The following ATXN2 variants were observed in gnomAD, a reference collection of about 807,000 sequenced individuals.
The protein encoded by ATXN2 is ataxin-2.
A neutral mutation model predicts 138.6 loss-of-function variants in ATXN2; 37 were observed. The observed-to-expected ratio is 0.27, with a 90% CI of 0.21 to 0.35. ATXN2 has a LOEUF of 0.35. Ranked by LOEUF, ATXN2 falls within the 10% of genes least tolerant of loss-of-function variation. The pLI, the probability that ATXN2 is intolerant of heterozygous loss-of-function variation, is 1.00. For synonymous variants in ATXN2, 549 were observed against 543.7 expected, an observed-to-expected ratio of 1.01 and a Z score of -0.13; for missense variants, 1,216 against 1,480.3, an observed-to-expected ratio of 0.82 and a Z score of 2.93.
At position 111,585,733 on chromosome 12, in the gene ATXN2, C is replaced by T. The variant is rs368630987; in HGVS notation, c.251+13051G>A. 1.2e-4 allele frequency among the ~76,000 whole-genome samples: 15 copies of T among 129,220 alleles called. No homozygotes were observed. The East Asian group carries it at 3.6e-3, about 31-fold the overall frequency. 84.8% of individuals were successfully genotyped at this position (129,220 alleles called of 152,430 possible). On this transcript the variant is annotated intron_variant, in intron 1 of 24. Transcript: ENST00000673436. ...AGGAGAACTGCTTGAACCTGGGAGG[C>T]GGAACTACAGTGAGCAGAGATGGCG... is the stretch of plus-strand genomic sequence containing the variant.
rs921495697 is a variant in ATXN2 at position 111,564,185 on chromosome 12, C to T, written c.252-8266G>A. On this transcript the variant is annotated intron_variant, in intron 1 of 24. Transcript: ENST00000673436. The stretch of plus-strand genomic sequence containing the variant: ...TCACACTTGGTCAGGAACTCTTGGA[C>T]AAATGAAAACCTAACAACCAAGCTT... Among the ~76,000 whole-genome samples the T allele has an allele frequency of 2.0e-5, 3 of 152,106 alleles. No individual in the cohort carries two copies. The South Asian group carries it at 6.2e-4, about 31-fold the overall frequency.
chr12:111,561,495 C>T (rs1363554042), intron 1 of ATXN2, among the ~76,000 whole-genome samples: 3 of 151,964 alleles, frequency 2.0e-5, no homozygotes, highest in Non-Finnish European at 2.9e-5. Context: ...AGCAAACCTC[C>T]GTCTCAAAGA....
rs201459505 is a variant in ATXN2, at chr12:111,462,967, T to TACACACACACAC, written c.2896+1694_2896+1695insGTGTGTGTGTGT. ...TAAATTATATATACACACATACATA[T>TACACACACACAC]ATATATATATACACACACACACACA... On this transcript the variant is annotated intron_variant, in intron 21 of 24. Coordinates refer to ENST00000673436, the MANE Select transcript of ATXN2 (RefSeq NM_001372574.1). Among the ~76,000 whole-genome samples the TACACACACACAC allele has an allele frequency of 2.5e-3, 339 of 134,656 alleles. 1 individual carries two copies. The highest frequency in any genetic ancestry group is 8.9e-3 in the African/African-American group (308 of 34,426). The allele number at this position is 134,656 out of a possible 152,430, so 88.3% of individuals were successfully genotyped here. A position where few individuals can be genotyped will look rare whatever the true frequency, so the allele number is the denominator to read the frequency against.
intron 1 of ATXN2, among the ~76,000 whole-genome samples, chr12:111,593,521 C>A (rs1884784279): frequency 6.6e-6 from 1 of 150,792 alleles, no homozygotes; most frequent in Non-Finnish European, 1.5e-5. Flanking sequence ...TTACATTTAA[C>A]CAAAAAAAGG....
At chr12:111,597,815 T>G (rs1885012902) in intron 1 of ATXN2, 1 of 1,253,872 alleles carries the variant, frequency 8.0e-7, no homozygotes, top group Non-Finnish European at 1.0e-6. Flanking sequence ...TTTCCGAAAT[T>G]GGGGCGGGGG....
chr12:111,599,624 C>G, upstream of ATXN2: 1 of 1,078,152 alleles, frequency 9.3e-7, no homozygotes, highest in Non-Finnish European at 1.1e-6. Context: ...GGCCCCGGGG[C>G]CGGGAGGGAC....
intron 15 of ATXN2, 41 bp from the exon 16 acceptor site, chr12:111,486,865 T>C (rs918086736): frequency 3.3e-6 from 5 of 1,529,226 alleles, no homozygotes; most frequent in Non-Finnish European, 4.5e-6. Context: ...ACATGGACTT[T>C]ACGTTGCTCT....
intron 14 of ATXN2, among the ~76,000 whole-genome samples, chr12:111,502,081 CAG>C (rs1878811017): frequency 2.6e-5 from 4 of 152,020 alleles, no homozygotes; most frequent in African/African-American, 9.7e-5. Context: ...TTTGTAGAAA[CAG>C]GGTTTTACCA....
rs1885069332 is a variant in ATXN2 at position 111,598,712 on chromosome 12, G to A, written c.251+72C>T. On this transcript the variant is annotated intron_variant, in intron 1 of 24. Coordinates refer to ENST00000673436, the MANE Select transcript of ATXN2 (RefSeq NM_001372574.1). The surrounding 1 kb of genome is among the most constrained non-coding windows in gnomAD (Gnocchi z 4.5). ...GGTAGCCCGGCGGGTCACGGGGCGG[G>A]GACGGCGGCGCGGGCCGCGGGGGAG... The A allele has an allele frequency of 7.2e-6, 7 of 976,050 alleles. No homozygotes were observed. Among genetic ancestry groups the A allele is most frequent in the Non-Finnish European group, 8.8e-6 (7 of 792,050 alleles). The allele number at this position is 976,050 out of a possible 1,614,324, so 60.5% of individuals were successfully genotyped here.
At chr12:111,582,831 G>A (rs898350933) in intron 1 of ATXN2, among the ~76,000 whole-genome samples, 3 of 151,870 alleles carry the variant, frequency 2.0e-5, no homozygotes, top group Non-Finnish European at 4.4e-5. Context: ...ACCACGCCTG[G>A]CTAATTTTTT....
intron 14 of ATXN2, among the ~76,000 whole-genome samples, chr12:111,498,106 T>C (rs193110512): frequency 7.2e-5 from 11 of 152,168 alleles, no homozygotes; most frequent in African/African-American, 2.4e-4. Context: ...GACCCATAAC[T>C]AGTACCATAC....
intron 1 of ATXN2, among the ~76,000 whole-genome samples, chr12:111,597,243 T>A (rs1884982307): frequency 6.6e-6 from 1 of 152,204 alleles, no homozygotes; most frequent in Admixed American, 6.5e-5. Flanking sequence ...AGCTGATTCC[T>A]CTTGATGGGG....
At chr12:111,511,316 G>C (rs1001689967) in intron 11 of ATXN2, 2 of 151,358 alleles carry the variant, frequency 1.3e-5, no homozygotes, top group Middle Eastern at 3.4e-3. Flanking sequence ...TTTCCAATTA[G>C]TAAAAAGAGA....
intron 14 of ATXN2, among the ~76,000 whole-genome samples, chr12:111,503,229 C>G (rs1293404608): frequency 1.3e-5 from 2 of 152,228 alleles, no homozygotes; most frequent in Non-Finnish European, 2.9e-5. Context: ...ATGAAGTTAG[C>G]TCTAATGAAT....
Position 111,453,736 on chromosome 12 carries a change from G to A in ATXN2, c.3380C>T (p.Ala1127Val). The A allele has an allele frequency of 6.2e-7, 1 of 1,614,020 alleles. No homozygotes were observed. Among genetic ancestry groups the A allele is most frequent in the Non-Finnish European group, 8.5e-7 (1 of 1,179,924 alleles). ...GGPQAALAQS[A>V]LQPIPVSTTA... Reference sequence around the variant, plus strand: ...TGTCGAGACTGGAATGGGCTGTAGTGCACTTTGAGCGAGGGCGGCCTGGGG... The same window carrying A: ...TGTCGAGACTGGAATGGGCTGTAGTACACTTTGAGCGAGGGCGGCCTGGGG... Residue 1127 changes from alanine (A) to valine (V), a missense_variant, in exon 24 of 25, where the codon GCA (alanine) becomes GTA (valine). By Grantham distance (64) the Ala-to-Val change is moderately conservative. Transcript: ENST00000673436. This position sits in a 1 kb window ranked among gnomAD's most constrained non-coding sequence, Gnocchi z 5.4.
chr12:111,573,332 T>C (rs1883447920), intron 1 of ATXN2, among the ~76,000 whole-genome samples: 1 of 152,146 alleles, frequency 6.6e-6, no homozygotes, highest in Non-Finnish European at 1.5e-5. Context: ...TAGCTGGGAT[T>C]ACAGGTGCTT....
intron 13 of ATXN2, 71 bp downstream of exon 13, chr12:111,509,820 G>T: frequency 8.3e-7 from 1 of 1,207,342 alleles, no homozygotes; most frequent in Non-Finnish European, 1.2e-6. Context: ...AAAATATTCT[G>T]TATGGGCATG....
chr12:111,581,618 T>C (rs1884008723), intron 1 of ATXN2: 1 of 786,826 alleles, frequency 1.3e-6, no homozygotes, highest in East Asian at 2.5e-5. Context: ...ATTGGCCTAC[T>C]CCGTGAAGTC....
At chr12:111,550,177 T>A (rs1342203593) in intron 5 of ATXN2, among the ~76,000 whole-genome samples, 1 of 151,984 alleles carries the variant, frequency 6.6e-6, no homozygotes, top group Non-Finnish European at 1.5e-5. Context: ...AATACACCCA[T>A]CCCCTTATGA....
Sources: allele counts gnomAD v4.1 joint callset (sites outside exome capture counted in the v4.1 genomes callset), GRCh38; gene constraint gnomAD v4.1.1; non-coding constraint Gnocchi (gnomAD v3.1); transcripts MANE v1.5; gene names NCBI Gene and HGNC (gene_info 2026-07-23, HGNC 2026-07-21).